The following LARGE2 variants were observed in gnomAD, a reference collection of about 807,000 sequenced individuals.
The protein encoded by LARGE2 is LARGE xylosyl- and glucuronyltransferase 2, also known as xylosyl- and glucuronyltransferase LARGE2.
LARGE2 carries 63 observed loss-of-function variants against 75.3 expected under a neutral mutation model. That is an observed-to-expected ratio of 0.84 (90% CI 0.68 to 1.03). The LOEUF is 1.03. LARGE2 is among the 50% of genes least tolerant of loss of function. LARGE2 has a pLI of 0.00. For synonymous variants in LARGE2, 428 were observed against 420.1 expected, an observed-to-expected ratio of 1.02 and a Z score of -0.23; for missense variants, 925 against 980.6, an observed-to-expected ratio of 0.94 and a Z score of 0.76.
chr11:45,925,425 G>A (rs1227923542), intron 6 of LARGE2, among the ~76,000 whole-genome samples: 1 of 152,180 alleles, frequency 6.6e-6, no homozygotes, highest in African/African-American at 2.4e-5. Context: ...GGAGGCTGAG[G>A]CAGGCAGATT....
chr11:45,924,619 G>T lies in LARGE2; in HGVS notation c.606G>T (p.Thr202=), dbSNP rs772989369. 6.2e-7 allele frequency: 1 copy of T among 1,614,094 alleles called. No individual in the cohort carries two copies. The highest frequency in any genetic ancestry group is 8.5e-7 in the Non-Finnish European group (1 of 1,180,006). ...TGGCCCGCGTCATTGTCCTGGACACGGATGTCACCTTCGCCTCTGACATCT... is the reference window on the plus strand; with the variant it reads ...TGGCCCGCGTCATTGTCCTGGACACTGATGTCACCTTCGCCTCTGACATCT... ...AELARVIVLD[T]DVTFASDISE... Residue 202 remains threonine (T), a synonymous_variant, in exon 5 of 14, where the codon ACG becomes ACT. Coordinates refer to ENST00000401752, the MANE Select transcript of LARGE2 (RefSeq NM_001300721.2).
At chr11:45,928,549 G>A in intron 13 of LARGE2, 81 bp from the exon 14 acceptor site, 1 of 1,567,156 alleles carries the variant, frequency 6.4e-7, no homozygotes, top group Non-Finnish European at 8.7e-7. Flanking sequence ...GGGCTACAGG[G>A]TAAGCCTGTT....
At chr11:45,923,835 A>G (rs1026962441) in intron 3 of LARGE2, among the ~76,000 whole-genome samples, 3 of 150,864 alleles carry the variant, frequency 2.0e-5, no homozygotes, top group African/African-American at 7.3e-5. Context: ...AAATACAAAA[A>G]ATTAGCCGGG....
chr11:45,927,290 T>C (rs757124011), intron 10 of LARGE2, 25 bp from the exon 11 acceptor site: 1 of 1,602,642 alleles, frequency 6.2e-7, no homozygotes, highest in South Asian at 1.1e-5. Flanking sequence ...GGGGCAGAGC[T>C]GTGCTGACCT....
rs1220292143 is a variant in LARGE2, at chr11:45,924,147, C to T, written c.369-7C>T. ...CCTCTCAGGCTTCCTCTTTGCCCAC[C>T]CAAAAGGAAAAATCCACTGCACCTC... is the stretch of plus-strand genomic sequence containing the variant. On this transcript the variant is annotated splice_polypyrimidine_tract_variant and splice_region_variant and intron_variant, in intron 3 of 13. Coordinates refer to ENST00000401752, the MANE Select transcript of LARGE2 (RefSeq NM_001300721.2). 1.2e-6 allele frequency: 2 copies of T among 1,609,208 alleles called. No homozygotes were observed. The highest frequency in any genetic ancestry group is 2.2e-5 in the South Asian group (2 of 91,072).
Position 45,926,496 on chromosome 11 carries a change from T to A in LARGE2, c.1063T>A (p.Phe355Ile). 6.2e-7 allele frequency: 1 copy of A among 1,614,086 alleles called. No individual in the cohort carries two copies. Among genetic ancestry groups the A allele is most frequent in the Non-Finnish European group, 8.5e-7 (1 of 1,179,974 alleles). The change falls in exon 9 of 14, where the codon TTC (phenylalanine) becomes ATC (isoleucine). Residue 355 changes from phenylalanine to isoleucine, a missense_variant. This residue lies in a region of LARGE2 where 469 missense variants were observed against 503.8 expected (regional missense o/e 0.93). Transcript: ENST00000401752. ...TCGGGTGAAGAACAAGCATGTGGAA[T>A]TCTTCCGCAATTTCTACCTGACCTT... is the stretch of plus-strand genomic sequence containing the variant. ...KLRVKNKHVE[F>I]FRNFYLTFLE... is the part of the protein sequence containing the mutation.
At position 45,923,463 on chromosome 11, in the gene LARGE2, C is replaced by T. The variant is rs1312745542; in HGVS notation, c.286-10C>T. The T allele has an allele frequency of 1.2e-6, 2 of 1,612,700 alleles. No homozygotes were observed. The highest frequency in any genetic ancestry group is 1.7e-6 in the Non-Finnish European group (2 of 1,179,738). On this transcript the variant is annotated splice_polypyrimidine_tract_variant and intron_variant, in intron 2 of 13. Transcript: ENST00000401752. ...GGGGGGCTGCTGCCGACCTGGGCGT[C>T]CCTCCCCAGCTCTTGCATGTGGCCA...
chr11:45,927,531 G>A lies in LARGE2; in HGVS notation c.1542G>A (p.Thr514=), dbSNP rs374924535. ...ACGTGGCCTTGGCCCAGGCCCTCACGCCTTACGTCTTCCTCAGTGACATTG... is the reference window on the plus strand; with the variant it reads ...ACGTGGCCTTGGCCCAGGCCCTCACACCTTACGTCTTCCTCAGTGACATTG... The part of the protein sequence containing the change: ...LRNVALAQAL[T]PYVFLSDIDF... Residue 514 remains threonine, a synonymous_variant, in exon 11 of 14, where the codon ACG becomes ACA. Transcript: ENST00000401752. 1.3e-5 allele frequency: 21 copies of A among 1,614,058 alleles called. No individual in the cohort carries two copies. Among genetic ancestry groups the A allele is most frequent in the Admixed American group, 5.0e-5 (3 of 60,008 alleles).
At chr11:45,925,660 A>G (rs1393922731) in intron 6 of LARGE2, among the ~76,000 whole-genome samples, 1 of 152,170 alleles carries the variant, frequency 6.6e-6, no homozygotes, top group African/African-American at 2.4e-5. Flanking sequence ...TATCTCATAC[A>G]TAAATAAGTA....
chr11:45,925,186 C>T (rs375258666), intron 6 of LARGE2, among the ~76,000 whole-genome samples: 12 of 152,144 alleles, frequency 7.9e-5, no homozygotes, highest in East Asian at 5.8e-4. Context: ...AGCTGGACAG[C>T]GCCTCCTCTT....
chr11:45,926,789 G>C lies in LARGE2; in HGVS notation c.1243G>C (p.Val415Leu). The C allele has an allele frequency of 6.2e-7, 1 of 1,613,598 alleles. No individual in the cohort carries two copies. Among genetic ancestry groups the C allele is most frequent in the South Asian group, 1.1e-5 (1 of 91,082 alleles). Residue 415 changes from valine to leucine, a missense_variant, in exon 10 of 14, where the codon GTG becomes CTG. Val to Leu is a conservative substitution (Grantham distance 32). Transcript: ENST00000401752. ...FRQQQLTVHRVHVTFLPHEPP... is the reference protein window; with the variant it reads ...FRQQQLTVHRLHVTFLPHEPP... ...GCAGCAGCAGCTCACTGTGCACCGTGTGCATGTCACTTTCCTGCCCCATGA... is the reference window on the plus strand; with the variant it reads ...GCAGCAGCAGCTCACTGTGCACCGTCTGCATGTCACTTTCCTGCCCCATGA...
At position 45,929,031 on chromosome 11, in the gene LARGE2, G is replaced by A. The variant is rs1244985289; in HGVS notation, c.*186G>A. On this transcript the variant is annotated 3_prime_UTR_variant, in exon 14 of 14. Coordinates refer to ENST00000401752, the MANE Select transcript of LARGE2 (RefSeq NM_001300721.2). ...GACTGGTCTCTCTCTGCCCCAGCCA[G>A]TTTGGGGCTGGTTCCCCCATCTTGA... 1 of 708,092 alleles carries A rather than the reference G, an allele frequency of 1.4e-6. No individual in the cohort carries two copies. Among genetic ancestry groups the A allele is most frequent in the African/African-American group, 1.8e-5 (1 of 55,856 alleles). The allele number at this position is 708,092 out of a possible 1,614,324, so 43.9% of individuals were successfully genotyped here.
chr11:45,927,275 C>T, intron 10 of LARGE2, 40 bp from the exon 11 acceptor site: 1 of 1,580,278 alleles, frequency 6.3e-7, no homozygotes, highest in South Asian at 1.2e-5. Flanking sequence ...AGCTCCTGTG[C>T]AAGAGGGGCA....
At position 45,926,423 on chromosome 11, in the gene LARGE2, A is replaced by G. The variant is rs762712764; in HGVS notation, c.1009-19A>G. On this transcript the variant is annotated intron_variant, in intron 8 of 13. Coordinates refer to ENST00000401752, the MANE Select transcript of LARGE2 (RefSeq NM_001300721.2). ...TCTGCTCCCTGCTCCCATGGCCCCA[A>G]CACCCTCCTGGGTCCCAGGTGATCC... is the stretch of plus-strand genomic sequence containing the variant. The G allele has an allele frequency of 3.1e-6, 5 of 1,613,784 alleles. No individual in the cohort carries two copies. In the African/African-American group the frequency reaches 5.3e-5, roughly 17 times the overall value.
chr11:45,923,823 A>G (rs1347553994), intron 3 of LARGE2, among the ~76,000 whole-genome samples: 2 of 151,250 alleles, frequency 1.3e-5, no homozygotes, highest in Non-Finnish European at 2.9e-5. Flanking sequence ...CGTCTCTACT[A>G]AAAATACAAA....
In LARGE2 at chr11:45,926,047, C is replaced by T. The variant is rs1212743313; in HGVS notation, c.778C>T (p.Leu260=). ...CATCTCTTCATTGGCAGGTGTGATC[C>T]TGCTGCGGCTGGACCGGCTCCGGCA... is the stretch of plus-strand genomic sequence containing the variant. ...LGRGFNTGVI[L]LRLDRLRQAG... Residue 260 remains leucine (L), a synonymous_variant, in exon 7 of 14, where the codon CTG becomes TTG. Coordinates refer to ENST00000401752, the MANE Select transcript of LARGE2 (RefSeq NM_001300721.2). 2 of 1,556,222 alleles carry T rather than the reference C, an allele frequency of 1.3e-6. No individual in the cohort carries two copies. The highest frequency in any genetic ancestry group is 1.9e-5 in the Admixed American group (1 of 51,748).
In LARGE2 at chr11:45,922,772, G is replaced by A. The variant is rs2086966265; in HGVS notation, c.-63+44G>A. Reference sequence around the variant, plus strand: ...CGCGAGCCGCACAACCCGGCCGTCGGGCCCCGCCGCCCAGGGCTGAGTCTC... The same window carrying A: ...CGCGAGCCGCACAACCCGGCCGTCGAGCCCCGCCGCCCAGGGCTGAGTCTC... On this transcript the variant is annotated intron_variant, in intron 1 of 13. Coordinates refer to ENST00000401752, the MANE Select transcript of LARGE2 (RefSeq NM_001300721.2). 4 of 928,074 alleles carry A rather than the reference G, an allele frequency of 4.3e-6. No individual in the cohort carries two copies. The Admixed American group carries it at 1.8e-4, about 41-fold the overall frequency. 57.5% of individuals were successfully genotyped at this position (928,074 alleles called of 1,614,324 possible).
rs2087161470 is a variant in LARGE2, at chr11:45,926,593, A to G, written c.1160A>G (p.Glu387Gly). 2 of 1,613,888 alleles carry G rather than the reference A, an allele frequency of 1.2e-6. No homozygotes were observed. Among genetic ancestry groups the G allele is most frequent in the Admixed American group, 3.3e-5 (2 of 60,004 alleles). Residue 387 changes from glutamate to glycine, a missense_variant, in exon 9 of 14, where the codon GAG becomes GGG. Physicochemically the swap from Glu to Gly is moderately conservative, Grantham distance 98. Coordinates refer to ENST00000401752, the MANE Select transcript of LARGE2 (RefSeq NM_001300721.2). The stretch of plus-strand genomic sequence containing the variant: ...CCCAGCCAGCCCCCACCTGGTGCTG[A>G]GCAGGTGAGAAGGAGTCACCTTCCC... ...VCPSQPPPGA[E>G]QLQQALAQLD...
In LARGE2 at chr11:45,928,632, A is replaced by G. The variant is rs770968356; in HGVS notation, c.1953A>G (p.Glu651=). 5.6e-6 allele frequency: 9 copies of G among 1,613,234 alleles called. No homozygotes were observed. The highest frequency in any genetic ancestry group is 6.8e-6 in the Non-Finnish European group (8 of 1,179,384). The change falls in exon 14 of 14, where the codon GAA becomes GAG. Residue 651 remains glutamate (E), a splice_region_variant and synonymous_variant. Transcript: ENST00000401752. Reference sequence around the variant, plus strand: ...TGCTCCTCTGCCCCACCCTGCAGGAATATGAGCTCCTGGTGCTGCCCGAGG... The same window carrying G: ...TGCTCCTCTGCCCCACCCTGCAGGAGTATGAGCTCCTGGTGCTGCCCGAGG... The part of the protein sequence containing the change: ...VAHIVELDAQ[E]YELLVLPEAF...
Sources: gnomAD v4.1 joint callset for allele counts (sites outside exome capture counted in the v4.1 genomes callset) on GRCh38, gnomAD v4.1.1 for gene constraint, gnomAD v4.1.1 regional missense constraint, MANE v1.5 for transcripts, NCBI Gene and HGNC (gene_info 2026-07-23, HGNC 2026-07-21) for gene names.